Variants in HSD17B12 observed in about 807,000 individuals in gnomAD.
The protein encoded by HSD17B12 is hydroxysteroid 17-beta dehydrogenase 12.
A neutral mutation model predicts 39.3 loss-of-function variants in HSD17B12; 32 were observed. The observed-to-expected ratio is 0.81, with a 90% CI of 0.61 to 1.09. The LOEUF (loss-of-function observed/expected upper bound fraction) is 1.09. HSD17B12 is among the 50% of genes least tolerant of loss of function. The pLI, the probability that HSD17B12 is intolerant of heterozygous loss-of-function variation, is 0.00. For missense variants in HSD17B12, 342 were observed against 382.9 expected (o/e 0.89, Z 0.89); for synonymous variants, 150 against 146.7 (o/e 1.02, Z -0.16).
chr11:43,681,834 C>CCT (rs371994998), intron 1 of HSD17B12, among the ~76,000 whole-genome samples: 21 of 142,304 alleles, frequency 1.5e-4, no homozygotes, highest in Middle Eastern at 3.5e-3. Context: ...TCCCCCCCCC[C>CCT]TTTTTTTTTT....
Position 43,739,392 on chromosome 11 carries a change from A to G in HSD17B12, c.161-11519A>G, listed in dbSNP as rs547765009. On this transcript the variant is annotated intron_variant, in intron 1 of 10. Transcript: ENST00000278353. Reference sequence around the variant, plus strand: ...TGTGTCTTAGTTCATTTGTGCTGCTATAATAAAATACATAAAGAACAGAAA... The same window carrying G: ...TGTGTCTTAGTTCATTTGTGCTGCTGTAATAAAATACATAAAGAACAGAAA... 1.4e-4 allele frequency among the ~76,000 whole-genome samples: 22 copies of G among 152,358 alleles called. No homozygotes were observed. In the South Asian group the frequency reaches 3.7e-3, roughly 26 times the overall value.
At position 43,855,890 on chromosome 11, in the gene HSD17B12, C is replaced by G. The variant is rs1951578151; in HGVS notation, c.*642C>G. ...TGCTTTCTTATAATGCATATTTCTT[C>G]TCAGTTTAAATGTATGTAAATATCG... On this transcript the variant is annotated 3_prime_UTR_variant, in exon 11 of 11. Transcript: ENST00000278353. 1 of 141,130 alleles carries G rather than the reference C, an allele frequency of 7.1e-6. No individual in the cohort carries two copies. Among genetic ancestry groups the G allele is most frequent in the Non-Finnish European group, 1.5e-5 (1 of 65,170 alleles). 8.7% of individuals were successfully genotyped at this position (141,130 alleles called of 1,614,324 possible).
At chr11:43,825,947 T>C (rs367759897) in intron 6 of HSD17B12, among the ~76,000 whole-genome samples, 6 of 150,956 alleles carry the variant, frequency 4.0e-5, no homozygotes, top group African/African-American at 1.5e-4. Flanking sequence ...GAAATTATTT[T>C]CTCCTCCCCA....
At chr11:43,717,304 A>G (rs1399533224) in intron 1 of HSD17B12, among the ~76,000 whole-genome samples, 1 of 152,198 alleles carries the variant, frequency 6.6e-6, no homozygotes, top group Non-Finnish European at 1.5e-5. Context: ...AATATTTGGT[A>G]TATAAAGGAA....
chr11:43,617,438 A>G, the HSD17B12 span, among the ~76,000 whole-genome samples: 3 of 152,212 alleles, frequency 2.0e-5, no homozygotes, highest in South Asian at 6.2e-4. Flanking sequence ...TGTCTCTAGG[A>G]TGTTTGTTTC....
At chr11:43,712,193 C>G (rs932991230) in intron 1 of HSD17B12, among the ~76,000 whole-genome samples, 3 of 152,124 alleles carry the variant, frequency 2.0e-5, no homozygotes, top group Non-Finnish European at 4.4e-5. Context: ...CTTTGGGAGG[C>G]GGAGGCGGGC....
intron 3 of HSD17B12, among the ~76,000 whole-genome samples, chr11:43,779,299 T>C (rs1950741726): frequency 6.6e-6 from 1 of 152,208 alleles, no homozygotes; most frequent in African/African-American, 2.4e-5. Flanking sequence ...CAATTCTTCT[T>C]ATAGGCATTA....
chr11:43,698,664 C>A (rs1259439900), intron 1 of HSD17B12, among the ~76,000 whole-genome samples: 1 of 152,098 alleles, frequency 6.6e-6, no homozygotes, highest in Non-Finnish European at 1.5e-5. Flanking sequence ...CAAATGTGTT[C>A]AAAAATCCCC....
rs137995011 is a variant in HSD17B12, at chr11:43,735,471, A to G, written c.161-15440A>G. On this transcript the variant is annotated intron_variant, in intron 1 of 10. Coordinates refer to ENST00000278353, the MANE Select transcript of HSD17B12 (RefSeq NM_016142.3). ...AAAATTACGGTCAACCTAGTGTGTC[A>G]CTGTAGTTTTGATTTTCATTTCTCT... Among the ~76,000 whole-genome samples the G allele has an allele frequency of 6.1e-3, 930 of 152,268 alleles. 10 individuals carry two copies. Among genetic ancestry groups the G allele is most frequent in the African/African-American group, 0.021 (877 of 41,552 alleles).
intron 3 of HSD17B12, among the ~76,000 whole-genome samples, chr11:43,790,863 G>A (rs1950861429): frequency 6.6e-6 from 1 of 152,008 alleles, no homozygotes; most frequent in Admixed American, 6.6e-5. Context: ...GCATGGTAGT[G>A]GGTGCCTGTA....
the HSD17B12 span, among the ~76,000 whole-genome samples, chr11:43,557,218 T>TC: frequency 6.6e-6 from 1 of 152,108 alleles, no homozygotes; most frequent in Non-Finnish European, 1.5e-5. Context: ...CGTCTTGGCT[T>TC]CCCCCACCCT....
intron 1 of HSD17B12, among the ~76,000 whole-genome samples, chr11:43,715,825 A>T (rs1333314598): frequency 6.6e-6 from 1 of 152,156 alleles, no homozygotes; most frequent in Non-Finnish European, 1.5e-5. Context: ...TTTCATTTTA[A>T]TTAAAAATTA....
At chr11:43,646,346 A>C in the HSD17B12 span, 1 of 152,214 alleles carries the variant, frequency 6.6e-6, no homozygotes, top group Admixed American at 6.5e-5. Context: ...TAACTTGACA[A>C]TTGAATAAAA....
At chr11:43,662,980 C>T in the HSD17B12 span, among the ~76,000 whole-genome samples, 3 of 152,206 alleles carry the variant, frequency 2.0e-5, no homozygotes, top group Admixed American at 2.0e-4. Flanking sequence ...TTAACTTTAA[C>T]AGATACTAGA....
At chr11:43,668,392 A>G in the HSD17B12 span, among the ~76,000 whole-genome samples, 2 of 151,664 alleles carry the variant, frequency 1.3e-5, no homozygotes, top group African/African-American at 4.8e-5. Context: ...AATTTTAAGG[A>G]CCTCCCCTGT....
chr11:43,624,951 G>T, the HSD17B12 span, among the ~76,000 whole-genome samples: 1 of 151,746 alleles, frequency 6.6e-6, no homozygotes, highest in Non-Finnish European at 1.5e-5. Context: ...TAAAAAGGGA[G>T]CTTAGAATTT....
chr11:43,763,625 ATCTT>A (rs1950572446), intron 3 of HSD17B12, among the ~76,000 whole-genome samples: 1 of 147,910 alleles, frequency 6.8e-6, no homozygotes, highest in African/African-American at 2.5e-5. Context: ...ATATATATAT[ATCTT>A]ATCTACATAT....
the HSD17B12 span, among the ~76,000 whole-genome samples, chr11:43,566,374 A>C: frequency 3.3e-4 from 50 of 152,204 alleles, no homozygotes; most frequent in Non-Finnish European, 6.9e-4. Flanking sequence ...ATCATCCTGT[A>C]AGTAGGTGAA....
intron 1 of HSD17B12, among the ~76,000 whole-genome samples, chr11:43,712,660 A>G (rs2134839264): frequency 6.6e-6 from 1 of 152,202 alleles, no homozygotes; most frequent in East Asian, 1.9e-4. Flanking sequence ...AGATGTATAA[A>G]AGCAAGCTGT....
Sources: allele counts gnomAD v4.1 joint callset (sites outside exome capture counted in the v4.1 genomes callset), GRCh38; gene constraint gnomAD v4.1.1; transcripts MANE v1.5; gene names NCBI Gene and HGNC (gene_info 2026-07-23, HGNC 2026-07-21).